The following FBXO34 variants were observed in gnomAD, a reference collection of about 807,000 sequenced individuals.
The protein encoded by FBXO34 is F-box protein 34.
Under a neutral mutation model 24.5 loss-of-function variants are expected in FBXO34, and 12 were observed. The ratio of observed to expected loss-of-function variants is 0.49; its 90% CI spans 0.31 to 0.79. The LOEUF (loss-of-function observed/expected upper bound fraction) is 0.79, where lower values mean the gene tolerates loss of function less well. Ranked by LOEUF, FBXO34 falls within the 30% of genes least tolerant of loss-of-function variation. The probability of loss-of-function intolerance (pLI) is 0.04; values close to 1 mark genes in which losing one functional copy is unlikely to be tolerated. For synonymous variants in FBXO34, 320 were observed against 311.9 expected (o/e 1.03, Z -0.27); for missense variants, 823 against 857.7 (o/e 0.96, Z 0.51).
chr14:55,302,579 C>T (rs1419847857), intron 1 of FBXO34, among the ~76,000 whole-genome samples: 1 of 151,678 alleles, frequency 6.6e-6, no homozygotes, highest in Non-Finnish European at 1.5e-5. Flanking sequence ...GTGTGAGCCA[C>T]TGCACTTGGC....
downstream of FBXO34, among the ~76,000 whole-genome samples, chr14:55,374,458 T>C (rs947622062): frequency 6.6e-6 from 1 of 152,228 alleles, no homozygotes; most frequent in African/African-American, 2.4e-5. Context: ...TTGTCTGTTA[T>C]AGAGGTTGTG....
intron 1 of FBXO34, among the ~76,000 whole-genome samples, chr14:55,291,338 GA>G (rs1881939171): frequency 1.3e-5 from 2 of 152,164 alleles, no homozygotes; most frequent in South Asian, 4.1e-4. Flanking sequence ...ACATACTGAT[GA>G]TACCTAGAAA....
rs571270550 is a variant in FBXO34, at chr14:55,298,020, A to T, written c.-11+26483A>T. Among the ~76,000 whole-genome samples, 16 of 152,324 alleles carry T rather than the reference A, an allele frequency of 1.1e-4. No individual in the cohort carries two copies. The East Asian group carries it at 3.1e-3, about 29-fold the overall frequency. On this transcript the variant is annotated intron_variant, in intron 1 of 1. Coordinates refer to ENST00000313833, the MANE Select transcript of FBXO34 (RefSeq NM_017943.4). Reference sequence around the variant, plus strand: ...GCAGGAGGAAATAATTCTTTTCTCAAAACACTTTTTTTGATTCCAGTAAGT... The same window carrying T: ...GCAGGAGGAAATAATTCTTTTCTCATAACACTTTTTTTGATTCCAGTAAGT...
chr14:55,299,199 G>T (rs140378664), intron 1 of FBXO34: 10 of 970,264 alleles, frequency 1.0e-5, no homozygotes, highest in Non-Finnish European at 1.5e-5. Flanking sequence ...TCCCTCTATA[G>T]CCCTACCATC....
chr14:55,296,322 G>C (rs1882119078), intron 1 of FBXO34, among the ~76,000 whole-genome samples: 1 of 150,096 alleles, frequency 6.7e-6, no homozygotes, highest in Non-Finnish European at 1.5e-5. Flanking sequence ...AGCTGGACAG[G>C]AAGTATAATT....
chr14:55,339,957 G>C (rs1883934604), intron 1 of FBXO34, among the ~76,000 whole-genome samples: 1 of 152,068 alleles, frequency 6.6e-6, no homozygotes, highest in South Asian at 2.1e-4. Context: ...AACACTATGG[G>C]GCCTATTTCT....
At chr14:55,424,051 T>C in the FBXO34 span, 3 of 730,070 alleles carry the variant, frequency 4.1e-6, no homozygotes, top group African/African-American at 5.2e-5. Context: ...AGGTATTCTG[T>C]ATAACAAGAA....
chr14:55,390,921 T>G, the FBXO34 span: 1 of 1,595,036 alleles, frequency 6.3e-7, no homozygotes, highest in Non-Finnish European at 8.6e-7. Context: ...TTTTCTCCAT[T>G]TCTTCATTTC....
chr14:55,369,218 C>A (rs1003567701), downstream of FBXO34: 2 of 158,222 alleles, frequency 1.3e-5, no homozygotes, highest in African/African-American at 4.8e-5. Flanking sequence ...GTGATTCAAC[C>A]AACCTCTAAA....
intron 1 of FBXO34, among the ~76,000 whole-genome samples, chr14:55,342,877 G>A (rs968968839): frequency 1.3e-5 from 2 of 152,176 alleles, no homozygotes; most frequent in African/African-American, 4.8e-5. Flanking sequence ...ATAATTTATC[G>A]TAGGTTTTCG....
chr14:55,337,894 C>T (rs72717710), intron 1 of FBXO34, among the ~76,000 whole-genome samples: 1 of 152,182 alleles, frequency 6.6e-6, no homozygotes, highest in Non-Finnish European at 1.5e-5. Context: ...CTCCTTTCCT[C>T]ATTGCATAGT....
At chr14:55,391,337 G>C in the FBXO34 span, 2 of 175,600 alleles carry the variant, frequency 1.1e-5, no homozygotes, top group African/African-American at 2.4e-5. Context: ...TTAGCTGGGC[G>C]TGGTGGCGCA....
the FBXO34 span, among the ~76,000 whole-genome samples, chr14:55,418,585 C>G: frequency 1.6e-4 from 24 of 152,278 alleles, 1 homozygote; most frequent in African/African-American, 5.5e-4. Flanking sequence ...GTCTCTGGCC[C>G]ACTCACTAAC....
At chr14:55,402,964 T>TAA in the FBXO34 span, among the ~76,000 whole-genome samples, 255 of 59,730 alleles carry the variant, frequency 4.3e-3, 4 homozygotes, top group Non-Finnish European at 6.8e-3. Flanking sequence ...TATATATATA[T>TAA]ATATAAATAG....
intron 1 of FBXO34, among the ~76,000 whole-genome samples, chr14:55,327,889 A>ATTTTC (rs1204032997): frequency 2.8e-5 from 2 of 72,532 alleles, no homozygotes; most frequent in Non-Finnish European, 6.0e-5. Flanking sequence ...TCGTCATATG[A>ATTTTC]TTTTCTTTGT....
At chr14:55,312,906 C>T (rs540803818) in intron 1 of FBXO34, among the ~76,000 whole-genome samples, 3 of 152,362 alleles carry the variant, frequency 2.0e-5, no homozygotes, top group South Asian at 2.1e-4. Flanking sequence ...TCCCCATCAT[C>T]TTAGCAATTA....
At chr14:55,413,196 G>A in the FBXO34 span, among the ~76,000 whole-genome samples, 150 of 152,214 alleles carry the variant, frequency 9.9e-4, no homozygotes, top group African/African-American at 3.4e-3. Flanking sequence ...TCAAACAAAA[G>A]GATTATTTTT....
chr14:55,343,462 G>T (rs1304450076), intron 1 of FBXO34, among the ~76,000 whole-genome samples: 1 of 152,076 alleles, frequency 6.6e-6, no homozygotes, highest in East Asian at 1.9e-4. Flanking sequence ...TGTTGGCCAG[G>T]CTGGTCTCGA....
At chr14:55,421,086 GA>G in the FBXO34 span, among the ~76,000 whole-genome samples, 1 of 142,256 alleles carries the variant, frequency 7.0e-6, no homozygotes, top group South Asian at 2.3e-4. Flanking sequence ...AAAGAAAAAA[GA>G]AATTTGGGGT....
Sources: gnomAD v4.1 joint callset for allele counts (sites outside exome capture counted in the v4.1 genomes callset) on GRCh38, gnomAD v4.1.1 for gene constraint, MANE v1.5 for transcripts, NCBI Gene and HGNC (gene_info 2026-07-23, HGNC 2026-07-21) for gene names.